The following GPR39 variants were observed in gnomAD, a reference collection of about 807,000 sequenced individuals.
GPR39 encodes the protein G protein-coupled receptor 39, also known as zinc sensing receptor.
A neutral mutation model predicts 18.4 loss-of-function variants in GPR39; 23 were observed. The observed-to-expected ratio is 1.25, with a 90% CI of 0.90 to 1.77. The LOEUF (loss-of-function observed/expected upper bound fraction) is 1.77. GPR39 is among the 40% of genes most tolerant of loss of function. The pLI is 0.00. For synonymous variants in GPR39, 280 were observed against 257.9 expected (o/e 1.09, Z -0.82); for missense variants, 647 against 602.4 (o/e 1.07, Z -0.78).
chr2:132,565,410 T>TTA (rs1680331204), intron 1 of GPR39, among the ~76,000 whole-genome samples: 1 of 151,446 alleles, frequency 6.6e-6, no homozygotes. Flanking sequence ...TTTTTTTTTT[T>TTA]TTATTATACT....
chr2:132,512,511 G>C (rs1479337705), intron 1 of GPR39, among the ~76,000 whole-genome samples: 1 of 152,170 alleles, frequency 6.6e-6, no homozygotes, highest in East Asian at 1.9e-4. Context: ...ACCTCAGGCA[G>C]ATCAGAGGTT....
At chr2:132,551,278 T>TG (rs566660350) in intron 1 of GPR39, among the ~76,000 whole-genome samples, 1 of 150,782 alleles carries the variant, frequency 6.6e-6, no homozygotes, top group Admixed American at 6.6e-5. Context: ...TCCGTGTTAT[T>TG]GGGGGAAAAA....
intron 1 of GPR39, among the ~76,000 whole-genome samples, chr2:132,562,558 G>A (rs925185438): frequency 4.6e-5 from 7 of 151,958 alleles, no homozygotes; most frequent in East Asian, 3.9e-4. Flanking sequence ...ATTCTCCTTC[G>A]TCTTTAAGAT....
At position 132,433,106 on chromosome 2, in the gene GPR39, A is replaced by G. The variant is rs555837743; in HGVS notation, c.856+15208A>G. 1.1e-4 allele frequency among the ~76,000 whole-genome samples: 16 copies of G among 152,336 alleles called. 1 individual carries two copies. The South Asian group carries it at 3.1e-3, about 30-fold the overall frequency. ...AAAAAAGTTAAGAAAAAGATATGTC[A>G]TGAATGCATAAAATATATGTAGATT... On this transcript the variant is annotated intron_variant, in intron 1 of 1. Transcript: ENST00000329321.
intron 1 of GPR39, among the ~76,000 whole-genome samples, chr2:132,588,904 T>A (rs1379374188): frequency 1.3e-5 from 2 of 152,100 alleles, no homozygotes; most frequent in Non-Finnish European, 1.5e-5. Flanking sequence ...ACCTTTGGAA[T>A]CAGCCTCAAA....
chr2:132,534,091 C>T (rs768824983), intron 1 of GPR39, among the ~76,000 whole-genome samples: 1 of 152,150 alleles, frequency 6.6e-6, no homozygotes, highest in Admixed American at 6.5e-5. Flanking sequence ...GCAACCTACT[C>T]ATCTGACAAA....
chr2:132,626,251 A>C (rs1453988149), intron 1 of GPR39, among the ~76,000 whole-genome samples: 1 of 152,228 alleles, frequency 6.6e-6, no homozygotes. Context: ...TAGTATTTAA[A>C]TCAACCCATA....
intron 1 of GPR39, among the ~76,000 whole-genome samples, chr2:132,634,603 T>C (rs1681715677): frequency 6.6e-6 from 1 of 152,012 alleles, no homozygotes; most frequent in Non-Finnish European, 1.5e-5. Context: ...CAGCATAGAG[T>C]GTCAAAATGG....
chr2:132,535,006 AC>A (rs965329274), intron 1 of GPR39, among the ~76,000 whole-genome samples: 166 of 151,046 alleles, frequency 1.1e-3, no homozygotes, highest in African/African-American at 3.8e-3. Context: ...TAAAAAAAAA[AC>A]ATGTCATCTG....
intron 1 of GPR39, among the ~76,000 whole-genome samples, chr2:132,492,563 G>GATATATACCATATATATACACACCAT (rs1681501504): frequency 3.7e-5 from 4 of 109,572 alleles, no homozygotes; most frequent in Non-Finnish European, 5.4e-5. Flanking sequence ...CCATATATAC[G>GATATATACCATATATATACACACCAT]ATATATACCA....
intron 1 of GPR39, among the ~76,000 whole-genome samples, chr2:132,617,944 A>G (rs1681366822): frequency 6.6e-6 from 1 of 152,210 alleles, no homozygotes; most frequent in Non-Finnish European, 1.5e-5. Flanking sequence ...CAGCTCCAAA[A>G]GTCAGAAGTG....
At chr2:132,539,094 C>A (rs1236547150) in intron 1 of GPR39, among the ~76,000 whole-genome samples, 1 of 152,182 alleles carries the variant, frequency 6.6e-6, no homozygotes, top group Non-Finnish European at 1.5e-5. Flanking sequence ...CACGGGAGTT[C>A]CAGGCACTGC....
At chr2:132,565,396 CTT>C (rs67095358) in intron 1 of GPR39, among the ~76,000 whole-genome samples, 2,952 of 137,972 alleles carry the variant, frequency 0.021, 124 homozygotes, top group East Asian at 0.14. Context: ...GATGAGTTTC[CTT>C]TTTTTTTTTT....
chr2:132,492,780 A>ACATT (rs1202240478), intron 1 of GPR39, among the ~76,000 whole-genome samples: 901 of 21,440 alleles, frequency 0.042, 18 homozygotes, highest in Non-Finnish European at 0.12. Context: ...CCATATATAT[A>ACATT]CCATATATAT....
intron 1 of GPR39, among the ~76,000 whole-genome samples, chr2:132,457,160 T>G (rs1183836765): frequency 1.3e-5 from 2 of 152,224 alleles, no homozygotes; most frequent in Non-Finnish European, 2.9e-5. Context: ...CCATATTTCT[T>G]GGAGGTTTTG....
At chr2:132,456,514 T>C (rs1199171300) in intron 1 of GPR39, among the ~76,000 whole-genome samples, 1 of 152,246 alleles carries the variant, frequency 6.6e-6, no homozygotes, top group East Asian at 1.9e-4. Flanking sequence ...AATCTGATCA[T>C]GTCATTATGA....
intron 1 of GPR39, among the ~76,000 whole-genome samples, chr2:132,637,771 C>T (rs1416235457): frequency 6.6e-6 from 1 of 152,232 alleles, no homozygotes; most frequent in East Asian, 1.9e-4. Context: ...TGCATCCCAT[C>T]CATGCCGCTC....
intron 1 of GPR39, among the ~76,000 whole-genome samples, chr2:132,442,397 G>A (rs1247396044): frequency 6.6e-6 from 1 of 152,086 alleles, no homozygotes; most frequent in East Asian, 1.9e-4. Context: ...GCTGGGCGTG[G>A]GGGTGGAGGG....
chr2:132,620,681 T>A (rs547753661), intron 1 of GPR39, among the ~76,000 whole-genome samples: 16 of 152,334 alleles, frequency 1.1e-4, no homozygotes, highest in African/African-American at 3.4e-4. Flanking sequence ...CCCTCGCCTC[T>A]CTGTTTTCCC....
Sources: gnomAD v4.1 joint callset for allele counts (sites outside exome capture counted in the v4.1 genomes callset) on GRCh38, gnomAD v4.1.1 for gene constraint, MANE v1.5 for transcripts, NCBI Gene and HGNC (gene_info 2026-07-23, HGNC 2026-07-21) for gene names.